TMED3: variants seen among roughly 807,000 people sequenced by gnomAD.
TMED3 encodes transmembrane p24 trafficking protein 3, also known as transmembrane emp24 domain-containing protein 3.
A neutral mutation model predicts 15.0 loss-of-function variants in TMED3; 9 were observed. The observed-to-expected ratio is 0.60, with a 90% CI of 0.36 to 1.04. The LOEUF is 1.04. Ranked by LOEUF, TMED3 falls within the 50% of genes least tolerant of loss-of-function variation. The pLI, the probability that TMED3 is intolerant of heterozygous loss-of-function variation, is 0.01. For missense variants in TMED3, 267 were observed against 278.9 expected (o/e 0.96, Z 0.30); for synonymous variants, 117 against 121.4 (o/e 0.96, Z 0.24).
At position 79,322,447 on chromosome 15, in the gene TMED3, T is replaced by A; in HGVS notation, c.*233T>A. On this transcript the variant is annotated 3_prime_UTR_variant, in exon 3 of 3. Transcript: ENST00000299705. ...TAAGTGTGCAGCGCTGAAAAGACATTTACAACTAGGCCAGGGATTAGCCAC... is the reference window on the plus strand; with the variant it reads ...TAAGTGTGCAGCGCTGAAAAGACATATACAACTAGGCCAGGGATTAGCCAC... 7.4e-7 allele frequency: 1 copy of A among 1,355,224 alleles called. No homozygotes were observed. The highest frequency in any genetic ancestry group is 9.5e-7 in the Non-Finnish European group (1 of 1,055,050). The allele number at this position is 1,355,224 out of a possible 1,614,324, so 83.9% of individuals were successfully genotyped here.
intron 2 of TMED3, among the ~76,000 whole-genome samples, chr15:79,382,134 G>A (rs541520316): frequency 6.6e-6 from 1 of 152,302 alleles, no homozygotes; most frequent in East Asian, 1.9e-4. Flanking sequence ...TGGACATGAA[G>A]ATCACCCCAT....
At chr15:79,327,455 T>G (rs1399125839), downstream of TMED3, among the ~76,000 whole-genome samples, 2 of 152,178 alleles carry the variant, frequency 1.3e-5, no homozygotes, top group Non-Finnish European at 2.9e-5. Context: ...AAACTGCAAA[T>G]ACACATATAA....
intron 2 of TMED3, chr15:79,382,846 C>T (rs541583771): frequency 2.2e-6 from 2 of 926,446 alleles, no homozygotes; most frequent in African/African-American, 1.7e-5. Context: ...TGCAGGGAAG[C>T]TTCTTTTATA....
intron 2 of TMED3, among the ~76,000 whole-genome samples, chr15:79,395,802 G>T (rs1318511791): frequency 6.6e-6 from 1 of 152,140 alleles, no homozygotes; most frequent in Non-Finnish European, 1.5e-5. Flanking sequence ...AAGTCTGTGT[G>T]TAATAGACTC....
chr15:79,340,625 G>T (rs535091446), intron 2 of TMED3, among the ~76,000 whole-genome samples: 5 of 152,286 alleles, frequency 3.3e-5, no homozygotes, highest in Admixed American at 3.3e-4. Context: ...AGCCATAATT[G>T]TTATTCAGGA....
At chr15:79,357,595 T>C (rs2058924592) in intron 2 of TMED3, among the ~76,000 whole-genome samples, 1 of 151,744 alleles carries the variant, frequency 6.6e-6, no homozygotes, top group Non-Finnish European at 1.5e-5. Context: ...GGGGTCCTAT[T>C]GTCTGTGAAT....
chr15:79,322,051 G>A lies in TMED3; in HGVS notation c.491G>A (p.Arg164Gln), dbSNP rs141582027. ...VIDSQTHYRLREAQDRARAED... is the reference protein window; with the variant it reads ...VIDSQTHYRLQEAQDRARAED... ...GACTCCCAGACGCATTACCGGCTGC[G>A]GGAGGCCCAGGACCGGGCCCGAGCA... is the stretch of plus-strand genomic sequence containing the variant. Residue 164 changes from arginine (R) to glutamine (Q), a missense_variant, in exon 3 of 3, where the codon CGG (arginine) becomes CAG (glutamine). By Grantham distance (43) the Arg-to-Gln change is conservative. This residue lies in a region of TMED3 where 139 missense variants were observed against 125.0 expected (regional missense o/e 1.11). Coordinates refer to ENST00000299705, the MANE Select transcript of TMED3 (RefSeq NM_007364.4). 26 of 1,614,088 alleles carry A rather than the reference G, an allele frequency of 1.6e-5. No homozygotes were observed. Among genetic ancestry groups the A allele is most frequent in the African/African-American group, 1.3e-4 (10 of 74,934 alleles).
intron 2 of TMED3, among the ~76,000 whole-genome samples, chr15:79,392,192 A>G (rs1053853659): frequency 6.6e-6 from 1 of 151,858 alleles, no homozygotes; most frequent in Non-Finnish European, 1.5e-5. Context: ...TTTTTGTTTT[A>G]TAGGTCCTGT....
chr15:79,386,151 G>C (rs1164102068), intron 2 of TMED3, among the ~76,000 whole-genome samples: 2 of 152,174 alleles, frequency 1.3e-5, no homozygotes, highest in Non-Finnish European at 2.9e-5. Flanking sequence ...GGAGCAATTA[G>C]ATTTTAATGG....
At chr15:79,323,882 C>T (rs958137581), downstream of TMED3, among the ~76,000 whole-genome samples, 1 of 152,234 alleles carries the variant, frequency 6.6e-6, no homozygotes, top group Admixed American at 6.5e-5. Flanking sequence ...CCCTGCCCCA[C>T]TGGCTGATTT....
intron 2 of TMED3, among the ~76,000 whole-genome samples, chr15:79,315,076 G>A (rs1218518511): frequency 6.6e-6 from 1 of 152,132 alleles, no homozygotes; most frequent in African/African-American, 2.4e-5. Context: ...AACTTTCAAG[G>A]AGGCCAGATG....
In TMED3 at chr15:79,322,101, T is replaced by C. The variant is rs776123584; in HGVS notation, c.541T>C (p.Tyr181His). ...AGAAGACCTTAATAGCCGAGTCTCT[T>C]ACTGGTCTGTTGGCGAGACGATTGC... ...RAEDLNSRVS[Y>H]WSVGETIALF... Residue 181 changes from tyrosine (Y) to histidine (H), a missense_variant, in exon 3 of 3, where the codon TAC (tyrosine) becomes CAC (histidine). Physicochemically the swap from Tyr to His is moderately conservative, Grantham distance 83. Around this residue, in one of 3 missense-constraint regions of TMED3, gnomAD observed 139 missense variants for 125.0 expected, o/e 1.11. Coordinates refer to ENST00000299705, the MANE Select transcript of TMED3 (RefSeq NM_007364.4). 1 of 1,614,242 alleles carries C rather than the reference T, an allele frequency of 6.2e-7. No individual in the cohort carries two copies. Among genetic ancestry groups the C allele is most frequent in the Admixed American group, 1.7e-5 (1 of 60,030 alleles).
At chr15:79,396,650 T>C (rs1250573070) in intron 2 of TMED3, among the ~76,000 whole-genome samples, 1 of 152,218 alleles carries the variant, frequency 6.6e-6, no homozygotes, top group East Asian at 1.9e-4. Flanking sequence ...ATAGCACCTC[T>C]TCCATCATAC....
intron 2 of TMED3, among the ~76,000 whole-genome samples, chr15:79,363,391 C>T (rs1893167227): frequency 6.6e-6 from 1 of 150,900 alleles, no homozygotes; most frequent in African/African-American, 2.4e-5. Context: ...AACAGCAAAC[C>T]AGGAAAAATC....
intron 2 of TMED3, among the ~76,000 whole-genome samples, chr15:79,353,272 T>C (rs866992723): frequency 0.016 from 870 of 55,120 alleles, 39 homozygotes; most frequent in African/African-American, 0.067. Context: ...TTATATATAA[T>C]ATATATAATA....
chr15:79,408,437 C>T (rs1245580596), intron 2 of TMED3, among the ~76,000 whole-genome samples: 1 of 152,124 alleles, frequency 6.6e-6, no homozygotes, highest in African/African-American at 2.4e-5. Context: ...CCGAGGTGGT[C>T]GGAGCCATAG....
At chr15:79,355,721 C>T (rs1214176728) in intron 2 of TMED3, among the ~76,000 whole-genome samples, 14 of 152,112 alleles carry the variant, frequency 9.2e-5, no homozygotes, top group Non-Finnish European at 1.8e-4. Flanking sequence ...GGGGTGAGCA[C>T]GCCAGCAGGT....
chr15:79,375,044 C>T (rs1019965626), intron 2 of TMED3, among the ~76,000 whole-genome samples: 1 of 152,176 alleles, frequency 6.6e-6, no homozygotes, highest in African/African-American at 2.4e-5. Context: ...TAGATACACT[C>T]GTAGCTTCTC....
At chr15:79,401,027 G>C (rs1046128373) in intron 2 of TMED3, among the ~76,000 whole-genome samples, 2 of 152,118 alleles carry the variant, frequency 1.3e-5, no homozygotes, top group African/African-American at 4.8e-5. Context: ...AACAAAAATA[G>C]GACTTAAACT....
Sources: allele counts gnomAD v4.1 joint callset (sites outside exome capture counted in the v4.1 genomes callset), GRCh38; gene constraint gnomAD v4.1.1; regional missense constraint gnomAD v4.1.1; transcripts MANE v1.5; gene names NCBI Gene and HGNC (gene_info 2026-07-23, HGNC 2026-07-21).